NUP214: variants seen among roughly 807,000 people sequenced by gnomAD.
NUP214 encodes nuclear pore complex protein Nup214.
In NUP214, 79 loss-of-function variants were observed where a neutral mutation model predicts 196.2. The ratio of observed to expected loss-of-function variants is 0.40; its 90% confidence interval spans 0.34 to 0.49. The LOEUF is 0.49. NUP214 is among the 20% of genes least tolerant of loss of function. The pLI is 0.58. For synonymous variants in NUP214, 1,020 were observed against 990.5 expected (o/e 1.03, Z -0.56); for missense variants, 2,468 against 2,539.0 (o/e 0.97, Z 0.60).
intron 33 of NUP214, 21 bp from the exon 34 acceptor site, chr9:131,230,609 C>T (rs772681414): frequency 1.9e-6 from 3 of 1,613,420 alleles, no homozygotes; most frequent in Non-Finnish European, 2.5e-6. Flanking sequence ...TGACCTCAGT[C>T]TGTTTCTCAC....
Position 131,197,621 on chromosome 9 carries a change from C to A in NUP214, c.4127C>A (p.Ala1376Asp), listed in dbSNP as rs748713742. Residue 1376 changes from alanine (A) to aspartate (D), a missense_variant, in exon 29 of 36, where the codon GCC (alanine) becomes GAC (aspartate). Ala to Asp is a moderately radical substitution (Grantham distance 126). Transcript: ENST00000359428. ...SGVPSGFNFT[A>D]PPVLGKHTEP... ...GTGCCCTCAGGGTTTAATTTTACTG[C>A]CCCCCCGGTGTTAGGGAAGCACACG... The A allele has an allele frequency of 1.9e-6, 3 of 1,613,716 alleles. No individual in the cohort carries two copies. Among genetic ancestry groups the A allele is most frequent in the Non-Finnish European group, 2.5e-6 (3 of 1,179,910 alleles).
intron 22 of NUP214, 113 bp downstream of exon 22, chr9:131,174,431 A>AAT: frequency 1.4e-5 from 9 of 666,182 alleles, no homozygotes; most frequent in Non-Finnish European, 1.9e-5. Flanking sequence ...GCTCCAGCCC[A>AAT]CTTTTTTTTT....
At chr9:131,168,374 T>A (rs958501754) in intron 21 of NUP214, among the ~76,000 whole-genome samples, 9 of 152,248 alleles carry the variant, frequency 5.9e-5, no homozygotes, top group African/African-American at 2.2e-4. Context: ...TTTATTGAGG[T>A]ATAATTTACA....
At chr9:131,219,660 C>G (rs1474036447) in intron 31 of NUP214, among the ~76,000 whole-genome samples, 1 of 152,208 alleles carries the variant, frequency 6.6e-6, no homozygotes, top group Non-Finnish European at 1.5e-5. Flanking sequence ...CCATAAGGAC[C>G]TGTTGCCTCC....
chr9:131,138,890 A>G (rs1178261214), intron 9 of NUP214, among the ~76,000 whole-genome samples: 1 of 152,204 alleles, frequency 6.6e-6, no homozygotes, highest in Non-Finnish European at 1.5e-5. Flanking sequence ...GCCCCAATCC[A>G]AAATGTCTAG....
chr9:131,133,192 G>A lies in NUP214; in HGVS notation c.814G>A (p.Val272Met). The A allele has an allele frequency of 6.3e-7, 1 of 1,581,996 alleles. No homozygotes were observed. Among genetic ancestry groups the A allele is most frequent in the Admixed American group, 1.9e-5 (1 of 52,414 alleles). ...DGTLETSPDV[V>M]MALLPKKEEK... The stretch of plus-strand genomic sequence containing the variant: ...GACCCTGGAAACGTCTCCAGATGTG[G>A]TGATGGCTCTACTACCGGTATGCCT... The change falls in exon 7 of 36, where the codon GTG becomes ATG. Residue 272 changes from valine to methionine, a missense_variant. Transcript: ENST00000359428.
At chr9:131,134,186 T>C (rs1831645808) in intron 7 of NUP214, among the ~76,000 whole-genome samples, 1 of 152,188 alleles carries the variant, frequency 6.6e-6, no homozygotes, top group Admixed American at 6.5e-5. Context: ...CTTTAAGCAG[T>C]TCTCCCGCCT....
chr9:131,163,171 C>T lies in NUP214; in HGVS notation c.2721C>T (p.His907=). 1.9e-6 allele frequency: 3 copies of T among 1,610,140 alleles called. No individual in the cohort carries two copies. Among genetic ancestry groups the T allele is most frequent in the Non-Finnish European group, 2.5e-6 (3 of 1,178,698 alleles). The part of the protein sequence containing the change: ...SSAVPSQSSI[H]SFDSDLESLC... ...CTGTTCCTTCCCAGAGCAGCATTCA[C>T]AGGTGTGGAGAGGACTTGCACTCAA... The change falls in exon 19 of 36, where the codon CAC becomes CAT. Residue 907 remains histidine, a splice_region_variant and synonymous_variant. Coordinates refer to ENST00000359428, the MANE Select transcript of NUP214 (RefSeq NM_005085.4).
chr9:131,190,389 C>G, intron 26 of NUP214: 1 of 674,176 alleles, frequency 1.5e-6, no homozygotes, highest in Non-Finnish European at 2.7e-6. Flanking sequence ...AGTAGTGTGA[C>G]TTGCAAGAAA....
Position 131,131,636 on chromosome 9 carries a change from A to G in NUP214, c.663+800A>G, listed in dbSNP as rs143821016. Among the ~76,000 whole-genome samples, 427 of 152,218 alleles carry G rather than the reference A, an allele frequency of 2.8e-3. 3 individuals carry two copies. Among genetic ancestry groups the G allele is most frequent in the African/African-American group, 9.2e-3 (384 of 41,528 alleles). ...CACTAACCTGTAAAAAGATAATGCA[A>G]TTTTTTAAATTTTCTTGCTTTGCTG... On this transcript the variant is annotated intron_variant, in intron 5 of 35. Coordinates refer to ENST00000359428, the MANE Select transcript of NUP214 (RefSeq NM_005085.4).
chr9:131,208,819 A>G (rs1400809090), intron 30 of NUP214, among the ~76,000 whole-genome samples: 1 of 151,802 alleles, frequency 6.6e-6, no homozygotes, highest in Non-Finnish European at 1.5e-5. Flanking sequence ...GATGGAGACC[A>G]TCCTGGCCAA....
intron 10 of NUP214, 124 bp downstream of exon 10, chr9:131,139,531 C>T (rs1177527464): frequency 2.9e-6 from 4 of 1,391,954 alleles, no homozygotes; most frequent in Non-Finnish European, 2.9e-6. Context: ...TCTGGCAGCA[C>T]ATTTCTCCCT....
At position 131,134,711 on chromosome 9, in the gene NUP214, A is replaced by T. The variant is rs751630131; in HGVS notation, c.832-187A>T. 2.0e-5 allele frequency among the ~76,000 whole-genome samples: 3 copies of T among 152,172 alleles called. No homozygotes were observed. In the South Asian group the frequency reaches 6.2e-4, roughly 31 times the overall value. On this transcript the variant is annotated intron_variant, in intron 7 of 35. Transcript: ENST00000359428. Reference sequence around the variant, plus strand: ...AAGTGGCAGAACAGAGTTTAAATGCAGTTCGGTTGATGGCCAATGTTTGTA... The same window carrying T: ...AAGTGGCAGAACAGAGTTTAAATGCTGTTCGGTTGATGGCCAATGTTTGTA...
At chr9:131,134,826 T>G in intron 7 of NUP214, 72 bp from the exon 8 acceptor site, 8 of 889,652 alleles carry the variant, frequency 9.0e-6, no homozygotes, top group Non-Finnish European at 1.3e-5. Flanking sequence ...ATTTATTATT[T>G]GAGATTCTTT....
At chr9:131,211,466 C>T (rs1330524692) in intron 30 of NUP214, among the ~76,000 whole-genome samples, 2 of 152,130 alleles carry the variant, frequency 1.3e-5, no homozygotes, top group Non-Finnish European at 2.9e-5. Flanking sequence ...CAAAGCTGGT[C>T]ATTTGTCCTG....
chr9:131,182,347 A>C (rs1283112634), intron 24 of NUP214, among the ~76,000 whole-genome samples: 2 of 152,230 alleles, frequency 1.3e-5, no homozygotes, highest in Non-Finnish European at 2.9e-5. Context: ...AGCGGCAGGC[A>C]AGTGAGCATT....
At chr9:131,214,453 A>G (rs1371511957) in intron 30 of NUP214, among the ~76,000 whole-genome samples, 1 of 152,218 alleles carries the variant, frequency 6.6e-6, no homozygotes, top group Non-Finnish European at 1.5e-5. Context: ...TTCTATGCAC[A>G]GTGGCCCCTT....
At chr9:131,206,671 G>C (rs1035464367) in intron 30 of NUP214, among the ~76,000 whole-genome samples, 3 of 152,210 alleles carry the variant, frequency 2.0e-5, no homozygotes, top group Admixed American at 2.0e-4. Flanking sequence ...TGTAACTCCT[G>C]GCCCAAGTGA....
At chr9:131,161,289 G>C (rs1335168281) in intron 18 of NUP214, among the ~76,000 whole-genome samples, 1 of 141,660 alleles carries the variant, frequency 7.1e-6, no homozygotes, top group Non-Finnish European at 1.5e-5. Context: ...ACTAAGTCTC[G>C]CTGTGTCACC....
Sources: allele counts gnomAD v4.1 joint callset (sites outside exome capture counted in the v4.1 genomes callset), GRCh38; gene constraint gnomAD v4.1.1; transcripts MANE v1.5; gene names NCBI Gene and HGNC (gene_info 2026-07-23, HGNC 2026-07-21).